The following DCLK2 variants were observed in gnomAD, a reference collection of about 807,000 sequenced individuals.
DCLK2 encodes doublecortin like kinase 2.
A neutral mutation model predicts 78.4 loss-of-function variants in DCLK2; 31 were observed. The observed-to-expected ratio is 0.40, with a 90% CI of 0.30 to 0.53. The LOEUF (loss-of-function observed/expected upper bound fraction) is 0.53. Ranked by LOEUF, DCLK2 falls within the 20% of genes least tolerant of loss-of-function variation. The probability of loss-of-function intolerance (pLI) is 0.61; values close to 1 mark genes in which losing one functional copy is unlikely to be tolerated. For synonymous variants in DCLK2, 407 were observed against 374.9 expected, an observed-to-expected ratio of 1.09 and a Z score of -0.99; for missense variants, 872 against 973.7, an observed-to-expected ratio of 0.90 and a Z score of 1.39.
chr4:150,174,895 G>A (rs1299115850), intron 2 of DCLK2, among the ~76,000 whole-genome samples: 1 of 146,278 alleles, frequency 6.8e-6, no homozygotes, highest in Non-Finnish European at 1.5e-5. Context: ...CTACTCAGGA[G>A]GCTGAGGCAG....
chr4:150,156,790 T>A (rs943049654), intron 2 of DCLK2, among the ~76,000 whole-genome samples: 2 of 142,076 alleles, frequency 1.4e-5, no homozygotes, highest in Admixed American at 7.0e-5. Context: ...TATTTATTTA[T>A]TTTTTGAGAC....
rs377580132 is a variant in DCLK2 at position 150,104,881 on chromosome 4, G to A, written c.756+2069G>A. Among the ~76,000 whole-genome samples the A allele has an allele frequency of 1.1e-4, 17 of 152,186 alleles. 1 individual carries two copies. Among genetic ancestry groups the A allele is most frequent in the African/African-American group, 3.6e-4 (15 of 41,542 alleles). ...CAAGATAAGGATGCCTGATGATGGC[G>A]CCAGTATTCAACATTCTTCTATACA... is the stretch of plus-strand genomic sequence containing the variant. On this transcript the variant is annotated intron_variant, in intron 2 of 15. Coordinates refer to ENST00000296550, the MANE Select transcript of DCLK2 (RefSeq NM_001040260.4).
intron 2 of DCLK2, among the ~76,000 whole-genome samples, chr4:150,121,990 T>C (rs1292582140): frequency 6.6e-6 from 1 of 152,238 alleles, no homozygotes; most frequent in Non-Finnish European, 1.5e-5. Context: ...TGTAAATAGA[T>C]GCACTGTCAT....
At chr4:150,167,641 A>G (rs759639163) in intron 2 of DCLK2, among the ~76,000 whole-genome samples, 13 of 152,140 alleles carry the variant, frequency 8.5e-5, no homozygotes, top group African/African-American at 1.7e-4. Context: ...GCTCTCCCCA[A>G]CCTCCACCAG....
intron 2 of DCLK2, among the ~76,000 whole-genome samples, chr4:150,167,516 C>T (rs77405302): frequency 3.9e-5 from 6 of 152,064 alleles, no homozygotes; most frequent in South Asian, 2.1e-4. Context: ...CCACACCTAC[C>T]GGCAAAAAAG....
chr4:150,097,666 G>A (rs1004310872), intron 1 of DCLK2, among the ~76,000 whole-genome samples: 3 of 152,178 alleles, frequency 2.0e-5, no homozygotes, highest in Non-Finnish European at 2.9e-5. Context: ...CCATAGCTGT[G>A]CCTCTGGAAA....
chr4:150,079,487 C>A (rs1209167546), intron 1 of DCLK2, 39 bp downstream of exon 1: 4 of 1,439,566 alleles, frequency 2.8e-6, no homozygotes, highest in African/African-American at 1.5e-5. Flanking sequence ...TGCGGCGGAG[C>A]GCCGGCAGGT....
At chr4:150,254,740 G>A (rs1744437347) in intron 15 of DCLK2, among the ~76,000 whole-genome samples, 1 of 152,180 alleles carries the variant, frequency 6.6e-6, no homozygotes, top group Non-Finnish European at 1.5e-5. Context: ...GAGTGCGGTG[G>A]TGTGATCCTA....
At chr4:150,208,113 C>T (rs893294236) in intron 5 of DCLK2, among the ~76,000 whole-genome samples, 1 of 152,140 alleles carries the variant, frequency 6.6e-6, no homozygotes, top group African/African-American at 2.4e-5. Context: ...GGGATTTTCC[C>T]TGAACTGACT....
chr4:150,215,663 CCTGT>C (rs1740647478), intron 5 of DCLK2, among the ~76,000 whole-genome samples: 1 of 152,186 alleles, frequency 6.6e-6, no homozygotes, highest in African/African-American at 2.4e-5. Flanking sequence ...CGTTCCTAAC[CCTGT>C]CTTTTTGGAT....
At chr4:150,241,622 A>G (rs867748815) in intron 12 of DCLK2, among the ~76,000 whole-genome samples, 2 of 152,216 alleles carry the variant, frequency 1.3e-5, no homozygotes, top group Non-Finnish European at 2.9e-5. Flanking sequence ...CCCTTAGTTT[A>G]TTTGACTAGC....
rs780086740 is a variant in DCLK2, at chr4:150,228,196, C to T, written c.1299+3638C>T. 5.6e-4 allele frequency among the ~76,000 whole-genome samples: 86 copies of T among 152,304 alleles called. 1 individual carries two copies. Among genetic ancestry groups the T allele is most frequent in the African/African-American group, 1.9e-3 (81 of 41,566 alleles). ...CAGGGTTATCTCTCCACTGCAGAAC[C>T]CTTCATCACATCTGCAGAACTCTTT... On this transcript the variant is annotated intron_variant, in intron 8 of 15. Coordinates refer to ENST00000296550, the MANE Select transcript of DCLK2 (RefSeq NM_001040260.4).
At chr4:150,231,909 A>C (rs564217821) in intron 8 of DCLK2, among the ~76,000 whole-genome samples, 46 of 152,356 alleles carry the variant, frequency 3.0e-4, no homozygotes, top group African/African-American at 1.1e-3. Context: ...GTTAGATTTC[A>C]TAAGCATGCC....
intron 3 of DCLK2, among the ~76,000 whole-genome samples, chr4:150,193,701 T>G: frequency 6.6e-6 from 1 of 152,026 alleles, no homozygotes; most frequent in East Asian, 1.9e-4. Flanking sequence ...CTATCAATGG[T>G]GATTATCTGA....
At chr4:150,123,866 C>T (rs1209254426) in intron 2 of DCLK2, among the ~76,000 whole-genome samples, 1 of 152,018 alleles carries the variant, frequency 6.6e-6, no homozygotes, top group Non-Finnish European at 1.5e-5. Flanking sequence ...ATTAGTGAGA[C>T]CTCATCTCTA....
chr4:150,115,515 A>G (rs1580529957), intron 2 of DCLK2, among the ~76,000 whole-genome samples: 1 of 151,120 alleles, frequency 6.6e-6, no homozygotes, highest in East Asian at 1.9e-4. Flanking sequence ...TTTTTGTTTC[A>G]GTTGTTTATT....
intron 11 of DCLK2, 23 bp from the exon 12 acceptor site, chr4:150,240,376 C>T (rs773285021): frequency 1.2e-6 from 2 of 1,612,450 alleles, no homozygotes; most frequent in East Asian, 2.2e-5. Context: ...GTTCTCTCCC[C>T]CTCACCCACT....
intron 2 of DCLK2, among the ~76,000 whole-genome samples, chr4:150,180,220 T>G (rs1318896137): frequency 6.6e-6 from 1 of 152,250 alleles, no homozygotes; most frequent in African/African-American, 2.4e-5. Flanking sequence ...TGTATGACTT[T>G]GCACAAGTTA....
chr4:150,087,355 A>G (rs1181901373), intron 1 of DCLK2, among the ~76,000 whole-genome samples: 1 of 152,228 alleles, frequency 6.6e-6, no homozygotes, highest in East Asian at 1.9e-4. Context: ...AATGTTCACA[A>G]TAGATGTTTT....
Sources: gnomAD v4.1 joint callset for allele counts (sites outside exome capture counted in the v4.1 genomes callset) on GRCh38, gnomAD v4.1.1 for gene constraint, MANE v1.5 for transcripts, NCBI Gene and HGNC (gene_info 2026-07-23, HGNC 2026-07-21) for gene names.